The following SLC28A1 variants were observed in gnomAD, a reference collection of about 807,000 sequenced individuals.
The protein encoded by SLC28A1 is sodium/nucleoside cotransporter 1.
SLC28A1 carries 64 observed loss-of-function variants against 74.8 expected under a neutral mutation model. That is an observed-to-expected ratio of 0.86 (90% CI 0.70 to 1.05). The LOEUF (loss-of-function observed/expected upper bound fraction) is 1.05, where lower values mean the gene tolerates loss of function less well. Ranked by LOEUF, SLC28A1 falls within the 50% of genes least tolerant of loss-of-function variation. SLC28A1 has a pLI of 0.00. For synonymous variants in SLC28A1, 359 were observed against 335.0 expected, an observed-to-expected ratio of 1.07 and a Z score of -0.78; for missense variants, 828 against 822.8, an observed-to-expected ratio of 1.01 and a Z score of -0.08.
intron 9 of SLC28A1, 30 bp from the exon 10 acceptor site, chr15:84,918,494 C>T: frequency 6.3e-7 from 1 of 1,592,492 alleles, no homozygotes; most frequent in Non-Finnish European, 8.6e-7. Flanking sequence ...CTGCCTCTAA[C>T]CTGCGGTCCT....
the SLC28A1 span, among the ~76,000 whole-genome samples, chr15:84,956,464 TTTCC>T: frequency 0.41 from 48,255 of 118,984 alleles, 10,057 homozygotes; most frequent in South Asian, 0.52. Flanking sequence ...TCTTTCTTTC[TTTCC>T]TTCTTTCTTT....
intron 12 of SLC28A1, among the ~76,000 whole-genome samples, chr15:84,928,548 TTCTTTCTTTC>T (rs1970793742): frequency 4.8e-5 from 1 of 20,752 alleles, no homozygotes; most frequent in Admixed American, 4.3e-4. Context: ...CTTTCTTTCT[TTCTTTCTTTC>T]TTTCTTTCTT....
intron 5 of SLC28A1, among the ~76,000 whole-genome samples, chr15:84,892,898 A>T (rs1447898505): frequency 6.6e-6 from 1 of 152,148 alleles, no homozygotes; most frequent in East Asian, 1.9e-4. Flanking sequence ...GCCAAAGCCC[A>T]GGGAGGTCTT....
chr15:84,971,772 C>T, the SLC28A1 span, among the ~76,000 whole-genome samples: 3 of 152,140 alleles, frequency 2.0e-5, no homozygotes, highest in Admixed American at 2.0e-4. Flanking sequence ...ACTTCAGCCC[C>T]TCAAGTAGCT....
At chr15:84,925,077 T>G (rs952347337) in intron 12 of SLC28A1, among the ~76,000 whole-genome samples, 1 of 130,656 alleles carries the variant, frequency 7.7e-6, no homozygotes, top group African/African-American at 2.9e-5. Flanking sequence ...GTTTTTTTTT[T>G]TTTTTTTTTT....
intron 15 of SLC28A1, among the ~76,000 whole-genome samples, chr15:84,942,936 G>A (rs1190474601): frequency 6.6e-6 from 1 of 152,180 alleles, no homozygotes; most frequent in Non-Finnish European, 1.5e-5. Context: ...TGTAATCCCA[G>A]CACTTTGGGA....
chr15:84,910,006 G>A (rs1967900570), intron 9 of SLC28A1, among the ~76,000 whole-genome samples: 1 of 152,234 alleles, frequency 6.6e-6, no homozygotes, highest in South Asian at 2.1e-4. Flanking sequence ...CAGATCATGA[G>A]TTCAGACCCT....
intron 5 of SLC28A1, 63 bp downstream of exon 5, chr15:84,890,597 A>C: frequency 1.4e-5 from 19 of 1,310,848 alleles, no homozygotes; most frequent in Non-Finnish European, 1.8e-5. Context: ...TCCATGTCTC[A>C]GGGCAGGGTC....
chr15:84,895,146 G>A, intron 6 of SLC28A1, 23 bp downstream of exon 6: 1 of 1,613,032 alleles, frequency 6.2e-7, no homozygotes, highest in Non-Finnish European at 8.5e-7. Context: ...ACAGCCCCGA[G>A]GCAGGGCAGG....
the SLC28A1 span, among the ~76,000 whole-genome samples, chr15:84,972,953 C>T: frequency 6.6e-6 from 1 of 152,200 alleles, no homozygotes; most frequent in African/African-American, 2.4e-5. Flanking sequence ...AGCCTCCTCT[C>T]TGACCTGGGG....
At chr15:84,928,988 C>T (rs549698198) in intron 12 of SLC28A1, among the ~76,000 whole-genome samples, 37 of 152,268 alleles carry the variant, frequency 2.4e-4, no homozygotes, top group South Asian at 1.7e-3. Context: ...CCGCACATCC[C>T]TCCTATTGCT....
At chr15:84,954,542 G>T in the SLC28A1 span, among the ~76,000 whole-genome samples, 341 of 152,236 alleles carry the variant, frequency 2.2e-3, 2 homozygotes, top group African/African-American at 7.9e-3. Flanking sequence ...AACAAACTAT[G>T]TGAGGTAGAT....
intron 6 of SLC28A1, chr15:84,895,466 T>G: frequency 6.2e-7 from 1 of 1,612,078 alleles, no homozygotes; most frequent in South Asian, 1.1e-5. Context: ...GCAGGGACCA[T>G]CCCTGGAGGG....
chr15:84,951,439 T>TAA, the SLC28A1 span, among the ~76,000 whole-genome samples: 55 of 116,148 alleles, frequency 4.7e-4, no homozygotes, highest in South Asian at 2.7e-3. Flanking sequence ...AAAAAATAAT[T>TAA]AAAAAAAAAA....
intron 8 of SLC28A1, among the ~76,000 whole-genome samples, chr15:84,908,516 G>A (rs1260156449): frequency 6.6e-6 from 1 of 152,054 alleles, no homozygotes; most frequent in Admixed American, 6.6e-5. Context: ...GACCAAAAAG[G>A]TGTCTCTTTG....
At chr15:84,959,960 T>G in the SLC28A1 span, among the ~76,000 whole-genome samples, 1 of 152,194 alleles carries the variant, frequency 6.6e-6, no homozygotes, top group African/African-American at 2.4e-5. Flanking sequence ...TGTATCTTAC[T>G]GTGAGATAAC....
intron 6 of SLC28A1, among the ~76,000 whole-genome samples, chr15:84,900,086 T>C (rs1966496862): frequency 6.6e-6 from 1 of 151,842 alleles, no homozygotes; most frequent in South Asian, 2.1e-4. Context: ...GGAGGCCGAG[T>C]TGGACAGATC....
Position 84,924,007 on chromosome 15 carries a change from G to A in SLC28A1, c.980G>A (p.Arg327Gln), listed in dbSNP as rs181673058. 48 of 1,613,988 alleles carry A rather than the reference G, an allele frequency of 3.0e-5. No homozygotes were observed. The East Asian group carries it at 5.8e-4, about 19-fold the overall frequency. The part of the protein sequence containing the change: ...VSQTEAPLLI[R>Q]PYLADMTLSE... The stretch of plus-strand genomic sequence containing the variant: ...CAGACCGAGGCTCCATTACTGATCC[G>A]GCCCTACTTGGCAGACATGACACTC... The change falls in exon 12 of 19, where the codon CGG becomes CAG. Residue 327 changes from arginine to glutamine, a missense_variant. Arg to Gln is a conservative substitution (Grantham distance 43). Coordinates refer to ENST00000394573, the MANE Select transcript of SLC28A1 (RefSeq NM_004213.5).
At position 84,908,778 on chromosome 15, in the gene SLC28A1, G is replaced by C; in HGVS notation, c.778G>C (p.Asp260His). The C allele has an allele frequency of 1.2e-6, 2 of 1,613,848 alleles. No homozygotes were observed. Among genetic ancestry groups the C allele is most frequent in the Non-Finnish European group, 1.7e-6 (2 of 1,179,974 alleles). ...SFVFGEALVK[D>H]VFAFQVLPII... Reference sequence around the variant, plus strand: ...CGTGTTTGGGGAGGCGCTGGTCAAGGATGTCTTTGCCTTTCAGGTCAGCTT... The same window carrying C: ...CGTGTTTGGGGAGGCGCTGGTCAAGCATGTCTTTGCCTTTCAGGTCAGCTT... Residue 260 changes from aspartate to histidine, a missense_variant, in exon 9 of 19, where the codon GAT becomes CAT. Transcript: ENST00000394573.
Sources: gnomAD v4.1 joint callset for allele counts (sites outside exome capture counted in the v4.1 genomes callset) on GRCh38, gnomAD v4.1.1 for gene constraint, MANE v1.5 for transcripts, NCBI Gene and HGNC (gene_info 2026-07-23, HGNC 2026-07-21) for gene names.